NKAIN2: variants seen among roughly 807,000 people sequenced by gnomAD.
NKAIN2 encodes sodium/potassium transporting ATPase interacting 2, also known as sodium/potassium-transporting ATPase subunit beta-1-interacting protein 2.
NKAIN2 carries 14 observed loss-of-function variants against 32.6 expected under a neutral mutation model. The observed-to-expected ratio is 0.43, with a 90% CI of 0.28 to 0.67. The LOEUF is 0.67. Ranked by LOEUF, NKAIN2 falls within the 30% of genes least tolerant of loss-of-function variation. The pLI is 0.17. For synonymous variants in NKAIN2, 80 were observed against 87.2 expected (o/e 0.92, Z 0.46); for missense variants, 198 against 258.3 (o/e 0.77, Z 1.60).
At chr6:124,085,431 A>AG (rs1403934626) in intron 1 of NKAIN2, among the ~76,000 whole-genome samples, 1 of 151,862 alleles carries the variant, frequency 6.6e-6, no homozygotes, top group African/African-American at 2.4e-5. Context: ...AACTGGGTTG[A>AG]GGGGCAGAAA....
intron 3 of NKAIN2, among the ~76,000 whole-genome samples, chr6:124,428,772 T>C (rs1775085296): frequency 6.6e-6 from 1 of 152,136 alleles, no homozygotes; most frequent in African/African-American, 2.4e-5. Context: ...TCTCTGATAT[T>C]ACCAAATTAA....
intron 3 of NKAIN2, among the ~76,000 whole-genome samples, chr6:124,405,662 G>C (rs886125838): frequency 3.3e-5 from 5 of 151,578 alleles, no homozygotes; most frequent in Non-Finnish European, 7.4e-5. Context: ...CTATAGGCGT[G>C]AGCCACCGCA....
At chr6:124,174,049 A>G (rs921525995) in intron 1 of NKAIN2, among the ~76,000 whole-genome samples, 1 of 152,164 alleles carries the variant, frequency 6.6e-6, no homozygotes, top group Admixed American at 6.5e-5. Flanking sequence ...ATGTTGAAGT[A>G]TTCATTTCTT....
chr6:124,671,682 A>G (rs149731821), intron 4 of NKAIN2, among the ~76,000 whole-genome samples: 1 of 152,168 alleles, frequency 6.6e-6, no homozygotes, highest in East Asian at 1.9e-4. Flanking sequence ...GCCTCATGAT[A>G]AAAATTTCAC....
In NKAIN2 at chr6:124,069,680, G is replaced by A. The variant is rs920778867; in HGVS notation, c.55-213325G>A. Among the ~76,000 whole-genome samples, 27 of 152,166 alleles carry A rather than the reference G, an allele frequency of 1.8e-4. 1 individual carries two copies. The highest frequency in any genetic ancestry group is 6.5e-4 in the African/African-American group (27 of 41,442). Reference sequence around the variant, plus strand: ...GCTTTCCTGTGGAGATATGGCTCAAGTGTAGATGAATGAATGAGGGCCATG... The same window carrying A: ...GCTTTCCTGTGGAGATATGGCTCAAATGTAGATGAATGAATGAGGGCCATG... On this transcript the variant is annotated intron_variant, in intron 1 of 6. Transcript: ENST00000368417.
chr6:124,592,290 G>T (rs574645810), intron 3 of NKAIN2, among the ~76,000 whole-genome samples: 1 of 152,242 alleles, frequency 6.6e-6, no homozygotes, highest in African/African-American at 2.4e-5. Flanking sequence ...GTTTTTATAT[G>T]ATCATGTATT....
rs1377959709 is a variant in NKAIN2 at position 124,823,407 on chromosome 6, C to G, written c.*178C>G. On this transcript the variant is annotated 3_prime_UTR_variant, in exon 7 of 7. Transcript: ENST00000368417. ...ACACACACACACACACACGTGAGCA[C>G]GCACACACCAATTCCACTTGACCTC... 2 of 593,904 alleles carry G rather than the reference C, an allele frequency of 3.4e-6. No homozygotes were observed. Among genetic ancestry groups the G allele is most frequent in the Admixed American group, 5.2e-5 (2 of 38,276 alleles). The allele number at this position is 593,904 out of a possible 1,614,324, so 36.8% of individuals were successfully genotyped here. A position where few individuals can be genotyped will look rare whatever the true frequency, so the allele number is the denominator to read the frequency against.
intron 3 of NKAIN2, among the ~76,000 whole-genome samples, chr6:124,453,418 A>G (rs1158391433): frequency 6.6e-6 from 1 of 151,734 alleles, no homozygotes; most frequent in African/African-American, 2.4e-5. Context: ...ATACACAAGG[A>G]GGACTATAAC....
In NKAIN2 at chr6:123,932,406, C is replaced by CT. The variant is rs57063550; in HGVS notation, c.54+128180dup. 1.4e-4 allele frequency among the ~76,000 whole-genome samples: 15 copies of CT among 104,386 alleles called. 1 individual carries two copies. Among genetic ancestry groups the CT allele is most frequent in the African/African-American group, 2.5e-4 (6 of 23,918 alleles). The allele number at this position is 104,386 out of a possible 152,430, so 68.5% of individuals were successfully genotyped here. A position where few individuals can be genotyped will look rare whatever the true frequency, so the allele number is the denominator to read the frequency against. ...GAGAAGTTTGGCCTTTTCTGTCTTTCTTTTTTTTTTTTTTTTTTTTTTTTT... is the reference window on the plus strand; with the variant it reads ...GAGAAGTTTGGCCTTTTCTGTCTTTCTTTTTTTTTTTTTTTTTTTTTTTTTT... On this transcript the variant is annotated intron_variant, in intron 1 of 6. Coordinates refer to ENST00000368417, the MANE Select transcript of NKAIN2 (RefSeq NM_001040214.3).
At chr6:124,120,899 TA>T (rs1785847062) in intron 1 of NKAIN2, among the ~76,000 whole-genome samples, 1 of 152,158 alleles carries the variant, frequency 6.6e-6, no homozygotes, top group South Asian at 2.1e-4. Flanking sequence ...TTTTCAGTTT[TA>T]AAACCGTATA....
At chr6:123,976,204 A>G (rs1353519769) in intron 1 of NKAIN2, among the ~76,000 whole-genome samples, 1 of 148,130 alleles carries the variant, frequency 6.8e-6, no homozygotes, top group Non-Finnish European at 1.5e-5. Flanking sequence ...AGCAGCATGA[A>G]AATGGATTAA....
chr6:124,043,662 GATC>G (rs1174798794), intron 1 of NKAIN2, among the ~76,000 whole-genome samples: 9 of 152,010 alleles, frequency 5.9e-5, no homozygotes, highest in Non-Finnish European at 1.3e-4. Flanking sequence ...TGGTAGCTAA[GATC>G]ATATGTTTTT....
chr6:124,027,720 T>TTAACTC (rs60923501), intron 1 of NKAIN2, among the ~76,000 whole-genome samples: 76,353 of 151,256 alleles, frequency 0.5, 19,827 homozygotes, highest in African/African-American at 0.63. Context: ...AAGTTCCAAA[T>TTAACTC]TAAATAGTTC....
intron 4 of NKAIN2, among the ~76,000 whole-genome samples, chr6:124,763,978 C>T (rs1291229155): frequency 6.6e-6 from 1 of 152,124 alleles, no homozygotes; most frequent in Non-Finnish European, 1.5e-5. Context: ...GGACCTAAAC[C>T]AGTGGTTTGC....
chr6:124,477,709 CCTT>C, intron 3 of NKAIN2, among the ~76,000 whole-genome samples: 1 of 6,278 alleles, frequency 1.6e-4, no homozygotes, highest in Non-Finnish European at 3.2e-4. Flanking sequence ...TCTCCCTCCC[CCTT>C]ACTCTTCCCC....
chr6:124,725,265 G>T (rs913337449), intron 4 of NKAIN2, among the ~76,000 whole-genome samples: 3 of 151,866 alleles, frequency 2.0e-5, no homozygotes, highest in Admixed American at 6.6e-5. Flanking sequence ...TTTGAAATGG[G>T]GTCTCATTTG....
At chr6:124,434,146 G>A (rs1442435970) in intron 3 of NKAIN2, among the ~76,000 whole-genome samples, 1 of 152,156 alleles carries the variant, frequency 6.6e-6, no homozygotes, top group East Asian at 1.9e-4. Context: ...AGGTGGAGAG[G>A]TGGGTTTGGA....
chr6:124,593,205 T>TTGTGTGTGTG (rs10526889), intron 3 of NKAIN2, among the ~76,000 whole-genome samples: 17,618 of 149,912 alleles, frequency 0.12, 1,260 homozygotes, highest in East Asian at 0.19. Context: ...GATGAGAGTT[T>TTGTGTGTGTG]TGTGTGTGTG....
chr6:123,992,297 C>G (rs972015892), intron 1 of NKAIN2, among the ~76,000 whole-genome samples: 4 of 152,028 alleles, frequency 2.6e-5, no homozygotes, highest in African/African-American at 7.2e-5. Flanking sequence ...GGATAAAGGT[C>G]TAGGCAGTAT....
Sources: allele counts gnomAD v4.1 joint callset (sites outside exome capture counted in the v4.1 genomes callset), GRCh38; gene constraint gnomAD v4.1.1; transcripts MANE v1.5; gene names NCBI Gene and HGNC (gene_info 2026-07-23, HGNC 2026-07-21).